STPG2: variants seen among roughly 807,000 people sequenced by gnomAD.
STPG2 encodes sperm-tail PG-rich repeat-containing protein 2.
STPG2 carries 56 observed loss-of-function variants against 54.2 expected under a neutral mutation model. The observed-to-expected ratio is 1.03, with a 90% CI of 0.83 to 1.29. The LOEUF is 1.29. Among genes scored for constraint, STPG2 ranks in the 50% most tolerant of loss-of-function variants. The probability of loss-of-function intolerance (pLI) is 0.00; values close to 1 mark genes in which losing one functional copy is unlikely to be tolerated. For missense variants in STPG2, 596 were observed against 544.9 expected (o/e 1.09, Z -0.93); for synonymous variants, 200 against 181.8 (o/e 1.10, Z -0.81).
intron 8 of STPG2, among the ~76,000 whole-genome samples, chr4:97,862,873 A>T (rs920087484): frequency 9.2e-5 from 14 of 152,212 alleles, no homozygotes; most frequent in Non-Finnish European, 1.9e-4. Context: ...ATGGAGGCAG[A>T]AATAAAGACG....
chr4:97,914,913 G>T (rs185684232), intron 8 of STPG2, among the ~76,000 whole-genome samples: 31 of 152,254 alleles, frequency 2.0e-4, no homozygotes, highest in African/African-American at 7.2e-4. Context: ...GAATCATATA[G>T]TATTTGTCCT....
intron 7 of STPG2, among the ~76,000 whole-genome samples, chr4:97,958,274 C>A (rs774672381): frequency 6.6e-6 from 1 of 151,460 alleles, no homozygotes; most frequent in African/African-American, 2.4e-5. Flanking sequence ...TGAGCCACTG[C>A]ACTCCAGCCT....
intron 8 of STPG2, 117 bp downstream of exon 8, chr4:97,943,780 G>C: frequency 1.5e-6 from 1 of 665,004 alleles, no homozygotes; most frequent in Non-Finnish European, 2.5e-6. Context: ...GTCTAGCCAA[G>C]GAGGTTACAG....
chr4:98,057,426 T>C (rs928475461), intron 5 of STPG2, among the ~76,000 whole-genome samples: 6 of 152,054 alleles, frequency 3.9e-5, no homozygotes, highest in Non-Finnish European at 8.8e-5. Flanking sequence ...CAAGTATTAA[T>C]AGGAAAATAG....
intron 9 of STPG2, among the ~76,000 whole-genome samples, chr4:97,826,049 G>A (rs943574843): frequency 3.3e-5 from 5 of 152,154 alleles, no homozygotes; most frequent in Admixed American, 1.3e-4. Context: ...CATGTGGAGA[G>A]CCTTGCCCTC....
chr4:97,981,145 G>T lies in STPG2; in HGVS notation c.772+14C>A. 1 of 1,612,422 alleles carries T rather than the reference G, an allele frequency of 6.2e-7. No homozygotes were observed. Among genetic ancestry groups the T allele is most frequent in the Non-Finnish European group, 8.5e-7 (1 of 1,179,512 alleles). ...TAAAGCCAAAGAGTAGACATATATAGATAAATTGCTAACCTGGCATTTCCT... is the reference window on the plus strand; with the variant it reads ...TAAAGCCAAAGAGTAGACATATATATATAAATTGCTAACCTGGCATTTCCT... On this transcript the variant is annotated intron_variant, in intron 6 of 10. Transcript: ENST00000295268.
chr4:97,609,507 G>A (rs576175010), intron 10 of STPG2, among the ~76,000 whole-genome samples: 6 of 151,994 alleles, frequency 3.9e-5, no homozygotes, highest in Middle Eastern at 3.4e-3. Context: ...TGTCCATTAA[G>A]GTAAGTATCA....
chr4:97,691,768 T>C (rs1275752998), intron 10 of STPG2, among the ~76,000 whole-genome samples: 2 of 152,124 alleles, frequency 1.3e-5, no homozygotes, highest in African/African-American at 4.8e-5. Context: ...TAACAAGGTT[T>C]AAGGACCCTC....
chr4:97,797,708 A>C (rs1296394116), intron 9 of STPG2, among the ~76,000 whole-genome samples: 1 of 152,098 alleles, frequency 6.6e-6, no homozygotes, highest in Non-Finnish European at 1.5e-5. Context: ...CTCACAAATG[A>C]GTTAGGGAGG....
chr4:97,678,511 A>C (rs1354764310), intron 10 of STPG2, among the ~76,000 whole-genome samples: 1 of 152,188 alleles, frequency 6.6e-6, no homozygotes, highest in Non-Finnish European at 1.5e-5. Context: ...AGCACTTACC[A>C]TGCACCATAC....
chr4:98,054,724 ATATTC>A (rs1200342671), intron 5 of STPG2, among the ~76,000 whole-genome samples: 7 of 152,166 alleles, frequency 4.6e-5, no homozygotes. Flanking sequence ...AGGCTTGTGT[ATATTC>A]TATTCAGTGA....
chr4:97,672,711 A>G (rs1420470636), intron 10 of STPG2, among the ~76,000 whole-genome samples: 1 of 152,192 alleles, frequency 6.6e-6, no homozygotes, highest in Non-Finnish European at 1.5e-5. Flanking sequence ...TCTCAGGAGA[A>G]CATGACTGAG....
chr4:97,697,483 G>A (rs1723615435), intron 10 of STPG2, among the ~76,000 whole-genome samples: 2 of 152,174 alleles, frequency 1.3e-5, no homozygotes, highest in African/African-American at 4.8e-5. Flanking sequence ...TTTCAATGAT[G>A]ATTGTGCTTT....
chr4:97,605,819 G>GA (rs148109387), intron 10 of STPG2, among the ~76,000 whole-genome samples: 12,688 of 145,224 alleles, frequency 0.087, 1,578 homozygotes, highest in African/African-American at 0.28. Context: ...ACAAAAAAAA[G>GA]AAAAAAAAAA....
intron 10 of STPG2, among the ~76,000 whole-genome samples, chr4:97,655,355 T>C (rs1309339460): frequency 1.3e-5 from 2 of 152,102 alleles, no homozygotes; most frequent in South Asian, 2.1e-4. Flanking sequence ...GGGACTAAAG[T>C]AGTTTTACTA....
chr4:98,025,460 G>T (rs1736384461), intron 5 of STPG2: 1 of 498,132 alleles, frequency 2.0e-6, no homozygotes, highest in South Asian at 1.7e-5. Flanking sequence ...ACGAGGAAAG[G>T]GTAAAACTGA....
At chr4:97,552,493 G>C (rs908278854) in intron 4 of STPG2, among the ~76,000 whole-genome samples, 1 of 151,874 alleles carries the variant, frequency 6.6e-6, no homozygotes, top group African/African-American at 2.4e-5. Context: ...TAATTTCTAA[G>C]TAATACTTTT....
At chr4:97,680,693 C>G (rs949731625) in intron 10 of STPG2, among the ~76,000 whole-genome samples, 3 of 151,936 alleles carry the variant, frequency 2.0e-5, no homozygotes, top group Non-Finnish European at 4.4e-5. Context: ...GGTGAGGAAT[C>G]TGGAGCTCAG....
chr4:97,524,810 A>G (rs139841047), intron 4 of STPG2, among the ~76,000 whole-genome samples: 41 of 152,108 alleles, frequency 2.7e-4, no homozygotes, highest in African/African-American at 9.9e-4. Flanking sequence ...TAATATTCTG[A>G]GAATGATTCT....
Sources: allele counts gnomAD v4.1 joint callset (sites outside exome capture counted in the v4.1 genomes callset), GRCh38; gene constraint gnomAD v4.1.1; transcripts MANE v1.5; gene names NCBI Gene and HGNC (gene_info 2026-07-23, HGNC 2026-07-21).